The following ZNF596 variants were observed in gnomAD, a reference collection of about 807,000 sequenced individuals.
ZNF596 encodes the protein zinc finger protein 596.
ZNF596 carries 45 observed loss-of-function variants against 48.3 expected under a neutral mutation model. That is an observed-to-expected ratio of 0.93 (90% CI 0.73 to 1.19). The LOEUF (loss-of-function observed/expected upper bound fraction) is 1.19. Ranked by LOEUF, ZNF596 falls within the 50% of genes most tolerant of loss-of-function variation. The pLI, the probability that ZNF596 is intolerant of heterozygous loss-of-function variation, is 0.00. For missense variants in ZNF596, 848 were observed against 599.7 expected, an observed-to-expected ratio of 1.41 and a Z score of -4.32; for synonymous variants, 270 against 202.0, an observed-to-expected ratio of 1.34 and a Z score of -2.85.
At position 245,679 on chromosome 8, in the gene ZNF596, G is replaced by T. The variant is rs202086334; in HGVS notation, c.832G>T (p.Ala278Ser). The T allele has an allele frequency of 1.2e-6, 2 of 1,613,232 alleles. No homozygotes were observed. The highest frequency in any genetic ancestry group is 2.2e-5 in the South Asian group (2 of 91,036). Residue 278 changes from alanine to serine, a missense_variant, in exon 6 of 6, where the codon GCA becomes TCA. Transcript: ENST00000398612. The stretch of plus-strand genomic sequence containing the variant: ...TGAGATGATTCACACTAGAGAAAAA[G>T]CACAGATATGCCATCTATGTGGGAA... The part of the protein sequence containing the change: ...RHEMIHTREK[A>S]QICHLCGKAF...
In ZNF596 at chr8:240,891, G is replaced by C. The variant is rs767947041; in HGVS notation, c.-5G>C. 4 of 1,614,020 alleles carry C rather than the reference G, an allele frequency of 2.5e-6. No individual in the cohort carries two copies. Among genetic ancestry groups the C allele is most frequent in the African/African-American group, 2.7e-5 (2 of 74,892 alleles). On this transcript the variant is annotated 5_prime_UTR_variant, in exon 2 of 6. Transcript: ENST00000398612. ...AGGAATACATTTGGTGGCTGAGCTA[G>C]TACAATGCCATCACCGGTGAGTGGG...
At chr8:232,955 C>T (rs1412923631) in intron 1 of ZNF596, 5 of 468,852 alleles carry the variant, frequency 1.1e-5, no homozygotes, top group Admixed American at 7.1e-5. Context: ...CTCCCACTAG[C>T]GGTGACTGTT....
At chr8:238,461 C>T (rs1796708906) in intron 1 of ZNF596, among the ~76,000 whole-genome samples, 2 of 151,556 alleles carry the variant, frequency 1.3e-5, no homozygotes, top group African/African-American at 4.9e-5. Context: ...AAGATGTGAC[C>T]CTACTGAATG....
chr8:234,063 T>G (rs1796531061), intron 1 of ZNF596, among the ~76,000 whole-genome samples: 1 of 152,108 alleles, frequency 6.6e-6, no homozygotes, highest in Admixed American at 6.5e-5. Flanking sequence ...AACAAAGGTA[T>G]CTTTCTAATG....
intron 1 of ZNF596, chr8:233,164 G>A (rs1796484409): frequency 4.3e-6 from 2 of 466,008 alleles, no homozygotes; most frequent in Admixed American, 4.7e-5. Context: ...AACAAACACC[G>A]ACAATGAAGG....
chr8:245,992 A>G lies in ZNF596; in HGVS notation c.1145A>G (p.Glu382Gly), dbSNP rs762177709. 7 of 1,614,156 alleles carry G rather than the reference A, an allele frequency of 4.3e-6. No individual in the cohort carries two copies. In the Admixed American group the frequency reaches 8.3e-5, roughly 19 times the overall value. Residue 382 changes from glutamate to glycine, a missense_variant, in exon 6 of 6, where the codon GAG (glutamate) becomes GGG (glycine). Transcript: ENST00000398612. The stretch of plus-strand genomic sequence containing the variant: ...GAATCTTCTGTGCTTAAACGACATG[A>G]GAGAATTCACACTGGAGAGAAACCA... ...FTESSVLKRH[E>G]RIHTGEKPYE...
Position 244,631 on chromosome 8 carries a change from G to C in ZNF596, c.236G>C (p.Gly79Ala). The change falls in exon 5 of 6, where the codon GGC becomes GCC. Residue 79 changes from glycine to alanine, a missense_variant. Transcript: ENST00000398612. ...RISLLQGREV[G>A]IKHQEIPFIQ... ...TCATTTATTTCAGGTAGAGAAGTTGGCATTAAACATCAAGAGATACCATTC... is the reference window on the plus strand; with the variant it reads ...TCATTTATTTCAGGTAGAGAAGTTGCCATTAAACATCAAGAGATACCATTC... 1 of 1,610,336 alleles carries C rather than the reference G, an allele frequency of 6.2e-7. No homozygotes were observed. Among genetic ancestry groups the C allele is most frequent in the South Asian group, 1.1e-5 (1 of 90,508 alleles).
chr8:246,250 T>C lies in ZNF596; in HGVS notation c.1403T>C (p.Val468Ala). 1 of 1,611,516 alleles carries C rather than the reference T, an allele frequency of 6.2e-7. No individual in the cohort carries two copies. Among genetic ancestry groups the C allele is most frequent in the East Asian group, 2.2e-5 (1 of 44,636 alleles). ...RSYNFRLHRR[V>A]HTGEKPYVCP... ...TACAACTTTAGACTTCATAGAAGAGTTCACACTGGAGAGAAACCATATGTA... is the reference window on the plus strand; with the variant it reads ...TACAACTTTAGACTTCATAGAAGAGCTCACACTGGAGAGAAACCATATGTA... Residue 468 changes from valine (V) to alanine (A), a missense_variant, in exon 6 of 6, where the codon GTT becomes GCT. Val to Ala is a moderately conservative substitution (Grantham distance 64). Coordinates refer to ENST00000398612, the MANE Select transcript of ZNF596 (RefSeq NM_001042416.3).
intron 1 of ZNF596, among the ~76,000 whole-genome samples, chr8:238,092 C>A (rs978153390): frequency 3.9e-5 from 6 of 152,170 alleles, no homozygotes; most frequent in African/African-American, 1.4e-4. Context: ...GTCTAGCACC[C>A]ACCTTTAGTG....
At chr8:243,170 T>C in intron 3 of ZNF596, 157 bp downstream of exon 3, 1 of 551,120 alleles carries the variant, frequency 1.8e-6, no homozygotes. Context: ...CACAATTACC[T>C]GACAGCCATT....
In ZNF596 at chr8:246,562, G is replaced by T. The variant is rs778541164; in HGVS notation, c.*200G>T. 7.4e-6 allele frequency: 4 copies of T among 539,222 alleles called. No homozygotes were observed. The highest frequency in any genetic ancestry group is 5.8e-5 in the African/African-American group (3 of 51,674). The allele number at this position is 539,222 out of a possible 1,614,324, so 33.4% of individuals were successfully genotyped here. On this transcript the variant is annotated 3_prime_UTR_variant, in exon 6 of 6. Transcript: ENST00000398612. ...AGACTCTAGGCTGACCATATACAACGTGAGAGAATGAAACTATAGATCAAA... is the reference window on the plus strand; with the variant it reads ...AGACTCTAGGCTGACCATATACAACTTGAGAGAATGAAACTATAGATCAAA...
At chr8:232,234 G>C (rs1410109294), upstream of ZNF596, 1 of 161,412 alleles carries the variant, frequency 6.2e-6, no homozygotes, top group African/African-American at 2.4e-5. Context: ...ACACTGGCAG[G>C]GCCAGAAACG....
chr8:232,676 C>T lies in ZNF596; in HGVS notation c.-91C>T, dbSNP rs539568109. The T allele has an allele frequency of 2.6e-6, 1 of 379,610 alleles. No homozygotes were observed. Among genetic ancestry groups the T allele is most frequent in the Non-Finnish European group, 5.4e-6 (1 of 185,602 alleles). The allele number at this position is 379,610 out of a possible 1,614,324, so 23.5% of individuals were successfully genotyped here. On this transcript the variant is annotated 5_prime_UTR_variant, in exon 1 of 6. Transcript: ENST00000398612. ...TAGTTCTCTTCACCGTCCGCCCATC[C>T]TATCGCGCGCGGCCTCAGGTCCCGA...
At chr8:243,222 A>G in intron 3 of ZNF596, 1 of 409,580 alleles carries the variant, frequency 2.4e-6, no homozygotes, top group Admixed American at 4.2e-5. Context: ...CTCTCTAGAA[A>G]GTCATCTTTC....
chr8:246,542 C>T lies in ZNF596; in HGVS notation c.*180C>T, dbSNP rs529511898. The T allele has an allele frequency of 8.8e-6, 6 of 679,954 alleles. 1 individual carries two copies. In the Admixed American group the frequency reaches 1.4e-4, roughly 16 times the overall value. The allele number at this position is 679,954 out of a possible 1,614,324, so 42.1% of individuals were successfully genotyped here. A position where few individuals can be genotyped will look rare whatever the true frequency, so the allele number is the denominator to read the frequency against. On this transcript the variant is annotated 3_prime_UTR_variant, in exon 6 of 6. Transcript: ENST00000398612. Reference sequence around the variant, plus strand: ...ATGTTTATGGCACAAACTTCAGACTCTAGGCTGACCATATACAACGTGAGA... The same window carrying T: ...ATGTTTATGGCACAAACTTCAGACTTTAGGCTGACCATATACAACGTGAGA...
chr8:238,587 G>C (rs537784252), intron 1 of ZNF596, among the ~76,000 whole-genome samples: 49 of 145,882 alleles, frequency 3.4e-4, no homozygotes, highest in African/African-American at 1.2e-3. Flanking sequence ...GATCATTTGA[G>C]GCCAGGAGTT....
intron 5 of ZNF596, 28 bp from the exon 6 acceptor site, chr8:245,126 T>C (rs373676478): frequency 1.3e-6 from 2 of 1,543,810 alleles, no homozygotes; most frequent in Middle Eastern, 1.8e-4. Flanking sequence ...AAACCTTTAA[T>C]AGTCTTTCAT....
rs202086334 is a variant in ZNF596, at chr8:245,679, G to A, written c.832G>A (p.Ala278Thr). 595 of 1,613,232 alleles carry A rather than the reference G, an allele frequency of 3.7e-4. 7 individuals are homozygous for A. In the East Asian group the frequency reaches 8.5e-3, roughly 23 times the overall value. ...TGAGATGATTCACACTAGAGAAAAA[G>A]CACAGATATGCCATCTATGTGGGAA... The part of the protein sequence containing the change: ...RHEMIHTREK[A>T]QICHLCGKAF... The change falls in exon 6 of 6, where the codon GCA (alanine) becomes ACA (threonine). Residue 278 changes from alanine to threonine, a missense_variant. By Grantham distance (58) the Ala-to-Thr change is moderately conservative (BLOSUM62 0). Transcript: ENST00000398612.
At position 242,981 on chromosome 8, in the gene ZNF596, T is replaced by C; in HGVS notation, c.107T>C (p.Met36Thr). ...CAGAGAAAGCTGTTTCAAGATGTGA[T>C]GTTGGAGAACATCAGTCATCTGGTC... Reference protein sequence around the residue: ...TSQRKLFQDVMLENISHLVSI... With the variant: ...TSQRKLFQDVTLENISHLVSI... Residue 36 changes from methionine (M) to threonine (T), a missense_variant, in exon 3 of 6, where the codon ATG (methionine) becomes ACG (threonine). Coordinates refer to ENST00000398612, the MANE Select transcript of ZNF596 (RefSeq NM_001042416.3). 1.9e-6 allele frequency: 3 copies of C among 1,612,334 alleles called. No individual in the cohort carries two copies. The highest frequency in any genetic ancestry group is 1.3e-5 in the African/African-American group (1 of 75,026).
Sources: allele counts gnomAD v4.1 joint callset (sites outside exome capture counted in the v4.1 genomes callset), GRCh38; gene constraint gnomAD v4.1.1; transcripts MANE v1.5; gene names NCBI Gene and HGNC (gene_info 2026-07-23, HGNC 2026-07-21).